The following ADAM22 variants were observed in gnomAD, a reference collection of about 807,000 sequenced individuals.
ADAM22 encodes the protein ADAM metallopeptidase domain 22.
ADAM22 carries 65 observed loss-of-function variants against 144.6 expected under a neutral mutation model. The observed-to-expected ratio is 0.45, with a 90% confidence interval of 0.37 to 0.55. The LOEUF is 0.55. Among genes scored for constraint, ADAM22 ranks in the 20% least tolerant of loss-of-function variants. The pLI, the probability that ADAM22 is intolerant of heterozygous loss-of-function variation, is 0.00. For synonymous variants in ADAM22, 391 were observed against 412.6 expected, an observed-to-expected ratio of 0.95 and a Z score of 0.63; for missense variants, 974 against 1,184.9, an observed-to-expected ratio of 0.82 and a Z score of 2.61.
intron 3 of ADAM22, among the ~76,000 whole-genome samples, chr7:88,007,319 C>T (rs1159713009): frequency 6.6e-6 from 1 of 152,182 alleles, no homozygotes; most frequent in African/African-American, 2.4e-5. Flanking sequence ...AATGGCCATA[C>T]TGCCCCAGGT....
At chr7:88,043,488 A>G (rs998436086) in intron 3 of ADAM22, among the ~76,000 whole-genome samples, 10 of 151,478 alleles carry the variant, frequency 6.6e-5, no homozygotes, top group Non-Finnish European at 8.8e-5. Context: ...CAGTATCAAA[A>G]AAAAAAAAAA....
At chr7:88,146,919 G>A (rs544929003) in intron 17 of ADAM22, among the ~76,000 whole-genome samples, 1 of 152,272 alleles carries the variant, frequency 6.6e-6, no homozygotes, top group Non-Finnish European at 1.5e-5. Context: ...AAATGTGAAA[G>A]ACATTCTTTG....
At chr7:88,016,589 T>C (rs1411361227) in intron 3 of ADAM22, among the ~76,000 whole-genome samples, 3 of 152,208 alleles carry the variant, frequency 2.0e-5, no homozygotes, top group Non-Finnish European at 2.9e-5. Context: ...ACATAATGAT[T>C]TTGTGCTAAT....
intron 3 of ADAM22, among the ~76,000 whole-genome samples, chr7:88,037,561 A>G (rs959805681): frequency 2.6e-5 from 4 of 152,126 alleles, no homozygotes; most frequent in African/African-American, 9.6e-5. Flanking sequence ...CCTGCTACCT[A>G]ATTTCCATTA....
At chr7:88,016,013 C>A (rs1449613831) in intron 3 of ADAM22, among the ~76,000 whole-genome samples, 1 of 151,896 alleles carries the variant, frequency 6.6e-6, no homozygotes, top group Non-Finnish European at 1.5e-5. Flanking sequence ...TTTTCCTTTT[C>A]CCTAAAGCTG....
At chr7:87,967,357 G>A (rs1849371897) in intron 2 of ADAM22, among the ~76,000 whole-genome samples, 1 of 152,164 alleles carries the variant, frequency 6.6e-6, no homozygotes, top group Admixed American at 6.5e-5. Context: ...CTCACATGAA[G>A]TAGCTCTTTA....
At chr7:87,961,512 ATTC>A (rs1847993138) in intron 2 of ADAM22, among the ~76,000 whole-genome samples, 1 of 152,118 alleles carries the variant, frequency 6.6e-6, no homozygotes, top group Non-Finnish European at 1.5e-5. Context: ...ATGCATTTGG[ATTC>A]TTCTTTGCAA....
intron 3 of ADAM22, among the ~76,000 whole-genome samples, chr7:88,036,707 A>G (rs2129470597): frequency 6.6e-6 from 1 of 152,242 alleles, no homozygotes; most frequent in East Asian, 1.9e-4. Flanking sequence ...TCTGTGAGAA[A>G]GTTGTGAATT....
At chr7:88,045,984 G>A (rs1490300646) in intron 3 of ADAM22, among the ~76,000 whole-genome samples, 1 of 150,284 alleles carries the variant, frequency 6.7e-6, no homozygotes, top group Non-Finnish European at 1.5e-5. Context: ...TACTTAGTTT[G>A]ACCCCATATC....
At chr7:87,985,756 T>C (rs1197062865) in intron 3 of ADAM22, among the ~76,000 whole-genome samples, 1 of 152,202 alleles carries the variant, frequency 6.6e-6, no homozygotes, top group Non-Finnish European at 1.5e-5. Context: ...TTATAAATAA[T>C]GTTACTATGA....
intron 5 of ADAM22, among the ~76,000 whole-genome samples, chr7:88,114,201 T>C (rs1298476997): frequency 6.6e-6 from 1 of 152,174 alleles, no homozygotes; most frequent in African/African-American, 2.4e-5. Context: ...CTGGAGCTTA[T>C]TTAAAATGCA....
intron 7 of ADAM22, among the ~76,000 whole-genome samples, chr7:88,123,839 T>C (rs1400540058): frequency 6.6e-6 from 1 of 152,020 alleles, no homozygotes; most frequent in Admixed American, 6.6e-5. Context: ...ATTTTCTAAA[T>C]TACCATGTGA....
intron 3 of ADAM22, among the ~76,000 whole-genome samples, chr7:88,070,585 C>T (rs1293015184): frequency 6.6e-6 from 1 of 152,084 alleles, no homozygotes; most frequent in African/African-American, 2.4e-5. Context: ...ACTTCAGAAG[C>T]ACATGATTTT....
intron 2 of ADAM22, among the ~76,000 whole-genome samples, chr7:87,954,725 T>C (rs930856582): frequency 2.0e-5 from 3 of 152,324 alleles, no homozygotes; most frequent in South Asian, 2.1e-4. Flanking sequence ...CTGGATAATA[T>C]CCTGCAGAGT....
At chr7:87,938,484 G>A (rs1263057840) in intron 2 of ADAM22, among the ~76,000 whole-genome samples, 2 of 151,806 alleles carry the variant, frequency 1.3e-5, no homozygotes, top group African/African-American at 4.8e-5. Context: ...CACCCAAAGT[G>A]CTGGGATTAC....
At chr7:88,161,382 G>A (rs1200207096) in intron 22 of ADAM22, among the ~76,000 whole-genome samples, 1 of 151,962 alleles carries the variant, frequency 6.6e-6, no homozygotes, top group Non-Finnish European at 1.5e-5. Flanking sequence ...AGACAACTTA[G>A]GCAATACTGT....
At chr7:88,071,391 ATTTTTTT>A (rs71297113) in intron 3 of ADAM22, among the ~76,000 whole-genome samples, 1 of 126,056 alleles carries the variant, frequency 7.9e-6, no homozygotes, top group East Asian at 2.3e-4. Context: ...TTATGAAGTG[ATTTTTTT>A]TTTTTTTTTT....
At chr7:88,120,546 A>G (rs1381836072) in intron 7 of ADAM22, among the ~76,000 whole-genome samples, 2 of 152,228 alleles carry the variant, frequency 1.3e-5, no homozygotes, top group Non-Finnish European at 1.5e-5. Context: ...ATGTGGTGGT[A>G]TCTCACTTTG....
intron 4 of ADAM22, among the ~76,000 whole-genome samples, chr7:88,088,031 T>C (rs946999773): frequency 2.4e-4 from 37 of 152,020 alleles, no homozygotes; most frequent in African/African-American, 7.7e-4. Context: ...AGTAAAGGAA[T>C]TGGAGAGAGT....
Sources: gnomAD v4.1 joint callset for allele counts (sites outside exome capture counted in the v4.1 genomes callset) on GRCh38, gnomAD v4.1.1 for gene constraint, MANE v1.5 for transcripts, NCBI Gene and HGNC (gene_info 2026-07-23, HGNC 2026-07-21) for gene names.